Variants in CDH18 observed in about 807,000 individuals in gnomAD.
CDH18 encodes cadherin-18.
CDH18 carries 31 observed loss-of-function variants against 67.9 expected under a neutral mutation model. The ratio of observed to expected loss-of-function variants is 0.46; its 90% CI spans 0.34 to 0.62. The LOEUF (loss-of-function observed/expected upper bound fraction) is 0.62, where lower values mean the gene tolerates loss of function less well. Ranked by LOEUF, CDH18 falls within the 20% of genes least tolerant of loss-of-function variation. The pLI is 0.01. For synonymous variants in CDH18, 362 were observed against 347.2 expected (o/e 1.04, Z -0.48); for missense variants, 890 against 975.5 (o/e 0.91, Z 1.17).
intron 1 of CDH18, among the ~76,000 whole-genome samples, chr5:20,306,450 T>G (rs1736464697): frequency 6.6e-6 from 1 of 152,194 alleles, no homozygotes; most frequent in African/African-American, 2.4e-5. Context: ...TTTTTGCTTT[T>G]GTCTCCGTAA....
chr5:19,823,071 C>A (rs1780044911), intron 3 of CDH18, among the ~76,000 whole-genome samples: 1 of 152,148 alleles, frequency 6.6e-6, no homozygotes, highest in Admixed American at 6.5e-5. Flanking sequence ...TGGCTCTGTT[C>A]CGCCTGGCTC....
At chr5:20,151,050 A>G (rs934047044) in intron 2 of CDH18, among the ~76,000 whole-genome samples, 7 of 151,718 alleles carry the variant, frequency 4.6e-5, no homozygotes, top group African/African-American at 7.3e-5. Flanking sequence ...AGTGGGTCCT[A>G]TATCTGAAAT....
chr5:19,497,027 C>T (rs111318765), intron 11 of CDH18, among the ~76,000 whole-genome samples: 109 of 152,038 alleles, frequency 7.2e-4, no homozygotes, highest in African/African-American at 2.5e-3. Context: ...AGGTATTCCA[C>T]TATAGCAGCA....
At chr5:20,185,576 T>C (rs1383169956) in intron 2 of CDH18, among the ~76,000 whole-genome samples, 3 of 152,032 alleles carry the variant, frequency 2.0e-5, no homozygotes, top group Non-Finnish European at 1.5e-5. Flanking sequence ...GGTTCTCACA[T>C]AGCCAAATTC....
intron 5 of CDH18, among the ~76,000 whole-genome samples, chr5:19,614,490 T>C (rs370925882): frequency 2.0e-5 from 3 of 151,992 alleles, no homozygotes; most frequent in Non-Finnish European, 4.4e-5. Context: ...TTAGTAGGAA[T>C]TGAATTGATA....
chr5:20,303,000 A>C (rs889307781), intron 1 of CDH18, among the ~76,000 whole-genome samples: 1 of 151,512 alleles, frequency 6.6e-6, no homozygotes, highest in African/African-American at 2.4e-5. Context: ...ACTCTTAAAA[A>C]AGTAAAAATA....
intron 2 of CDH18, among the ~76,000 whole-genome samples, chr5:20,084,410 C>T (rs946861632): frequency 6.6e-6 from 1 of 152,226 alleles, no homozygotes; most frequent in Admixed American, 6.5e-5. Context: ...TGGCTGCTTT[C>T]ATGGGCTGGT....
chr5:20,018,251 A>G (rs773594369), intron 2 of CDH18, among the ~76,000 whole-genome samples: 2 of 152,160 alleles, frequency 1.3e-5, no homozygotes, highest in African/African-American at 4.8e-5. Flanking sequence ...ACATATTTAC[A>G]CCCTTTTTCT....
At chr5:19,715,409 A>G (rs1321977451) in intron 5 of CDH18, among the ~76,000 whole-genome samples, 2 of 152,162 alleles carry the variant, frequency 1.3e-5, no homozygotes, top group African/African-American at 4.8e-5. Context: ...AATCACAGTT[A>G]TTGTCCGTCA....
chr5:20,125,285 C>CAT (rs1554093414), intron 2 of CDH18, among the ~76,000 whole-genome samples: 2 of 150,072 alleles, frequency 1.3e-5, no homozygotes, highest in African/African-American at 2.4e-5. Context: ...AATACAACTT[C>CAT]GTGTGTGTGT....
intron 5 of CDH18, among the ~76,000 whole-genome samples, chr5:19,628,311 G>T (rs1399250241): frequency 1.3e-5 from 2 of 152,064 alleles, no homozygotes; most frequent in Non-Finnish European, 1.5e-5. Context: ...TTTATAAATT[G>T]CACAGTCTTG....
chr5:19,811,564 G>C (rs188276665), intron 3 of CDH18, among the ~76,000 whole-genome samples: 52 of 152,232 alleles, frequency 3.4e-4, no homozygotes, highest in African/African-American at 1.2e-3. Context: ...AAGTCACCCA[G>C]TTTGTGCTAC....
intron 1 of CDH18, among the ~76,000 whole-genome samples, chr5:20,323,067 G>T (rs1331242116): frequency 6.6e-6 from 1 of 152,114 alleles, no homozygotes; most frequent in African/African-American, 2.4e-5. Context: ...TTTAATTTCA[G>T]TTGTGAACAC....
chr5:19,548,752 C>CTT (rs5866388), intron 8 of CDH18, among the ~76,000 whole-genome samples: 33 of 137,818 alleles, frequency 2.4e-4, no homozygotes, highest in South Asian at 4.8e-4. Context: ...TATTTATCAG[C>CTT]TTTTTTTTTT....
intron 3 of CDH18, among the ~76,000 whole-genome samples, chr5:19,814,402 C>T (rs976004243): frequency 1.1e-4 from 17 of 151,876 alleles, no homozygotes; most frequent in Non-Finnish European, 2.5e-4. Flanking sequence ...CATATACATA[C>T]AAATGCAATA....
chr5:20,104,622 C>A (rs1423422661), intron 2 of CDH18, among the ~76,000 whole-genome samples: 2 of 152,074 alleles, frequency 1.3e-5, no homozygotes, highest in East Asian at 3.9e-4. Context: ...CCCCACCTGT[C>A]CACGTCTGTC....
At chr5:20,468,714 A>C (rs1405996008) in intron 1 of CDH18, among the ~76,000 whole-genome samples, 1 of 152,234 alleles carries the variant, frequency 6.6e-6, no homozygotes, top group Non-Finnish European at 1.5e-5. Flanking sequence ...CACTGACTAA[A>C]TATGTCAAAG....
At chr5:19,998,118 T>C (rs2150396843) in intron 2 of CDH18, among the ~76,000 whole-genome samples, 1 of 152,246 alleles carries the variant, frequency 6.6e-6, no homozygotes, top group Non-Finnish European at 1.5e-5. Flanking sequence ...GAAATGGTAA[T>C]ATTTGATTTC....
chr5:20,555,986 T>G (rs1455740191), intron 1 of CDH18, among the ~76,000 whole-genome samples: 1 of 152,164 alleles, frequency 6.6e-6, no homozygotes, highest in Non-Finnish European at 1.5e-5. Context: ...TAGCATTCAT[T>G]CAATTTTTCA....
Sources: gnomAD v4.1 joint callset for allele counts (sites outside exome capture counted in the v4.1 genomes callset) on GRCh38, gnomAD v4.1.1 for gene constraint, MANE v1.5 for transcripts, NCBI Gene and HGNC (gene_info 2026-07-23, HGNC 2026-07-21) for gene names.